PDE8B: variants seen among roughly 807,000 people sequenced by gnomAD.
The protein encoded by PDE8B is phosphodiesterase 8B.
In PDE8B, 26 loss-of-function variants were observed where a neutral mutation model predicts 101.3. That is an observed-to-expected ratio of 0.26 (90% CI 0.19 to 0.36). The LOEUF (loss-of-function observed/expected upper bound fraction) is 0.36. Among genes scored for constraint, PDE8B ranks in the 10% least tolerant of loss-of-function variants. The probability of loss-of-function intolerance (pLI) is 1.00; values close to 1 mark genes in which losing one functional copy is unlikely to be tolerated. For missense variants in PDE8B, 810 were observed against 1,163.1 expected (o/e 0.70, Z 4.42); for synonymous variants, 424 against 429.3 (o/e 0.99, Z 0.15).
the PDE8B span, among the ~76,000 whole-genome samples, chr5:77,110,431 T>A: frequency 3.3e-5 from 5 of 152,212 alleles, no homozygotes; most frequent in Admixed American, 1.3e-4. Context: ...AACTATGGGT[T>A]TCTAATGAGA....
rs1748059704 is a variant in PDE8B, at chr5:77,210,679, TGTGTATGCGC to T, written c.-245_-236del. 1 of 978,642 alleles carries T rather than the reference TGTGTATGCGC, an allele frequency of 1.0e-6. No homozygotes were observed. The highest frequency in any genetic ancestry group is 1.8e-5 in the African/African-American group (1 of 55,990). The allele number at this position is 978,642 out of a possible 1,614,324, so 60.6% of individuals were successfully genotyped here. On this transcript the variant is annotated 5_prime_UTR_variant, in exon 1 of 22. Coordinates refer to ENST00000264917, the MANE Select transcript of PDE8B (RefSeq NM_003719.5). The surrounding 1 kb of genome is among the most constrained non-coding windows in gnomAD (Gnocchi z 4.9). ...GCGGCCGCTGGTGCGCGCGGGGCGC[TGTGTATGCGC>T]GCTCCCCCGCTCGGGGAGGAAGATG...
intron 1 of PDE8B, among the ~76,000 whole-genome samples, chr5:77,294,930 C>A (rs1405911833): frequency 6.7e-6 from 1 of 150,066 alleles, no homozygotes; most frequent in African/African-American, 2.4e-5. Context: ...ACATATATAA[C>A]TCCTCTATAT....
chr5:77,339,146 C>G (rs182289464), intron 6 of PDE8B, among the ~76,000 whole-genome samples: 4 of 152,266 alleles, frequency 2.6e-5, no homozygotes, highest in Admixed American at 6.5e-5. Flanking sequence ...TTTTTAAGGT[C>G]TTATCAGATT....
the PDE8B span, among the ~76,000 whole-genome samples, chr5:77,124,759 A>C: frequency 6.6e-6 from 1 of 152,324 alleles, no homozygotes; most frequent in African/African-American, 2.4e-5. Context: ...CAGATTAGAC[A>C]CTGCAGAAGA....
chr5:77,410,032 TG>T (rs1269149612), intron 14 of PDE8B, among the ~76,000 whole-genome samples: 1 of 152,268 alleles, frequency 6.6e-6, no homozygotes, highest in Admixed American at 6.5e-5. Flanking sequence ...GGTCTGGTTC[TG>T]GGAGCAAGCC....
At position 77,421,970 on chromosome 5, in the gene PDE8B, T is replaced by C. The variant is rs749953189; in HGVS notation, c.2400T>C (p.Ser800=). The change falls in exon 20 of 22, where the codon TCT becomes TCC. Residue 800 remains serine, a synonymous_variant. Transcript: ENST00000264917. The part of the protein sequence containing the change: ...DLCIEWAGRI[S]EEYFAQTDEE... The stretch of plus-strand genomic sequence containing the variant: ...GCATTGAATGGGCTGGGAGGATCTC[T>C]GAGGAGTATTTTGCACAGGTGCGCC... 4 of 1,614,162 alleles carry C rather than the reference T, an allele frequency of 2.5e-6. No individual in the cohort carries two copies. Among genetic ancestry groups the C allele is most frequent in the Admixed American group, 3.3e-5 (2 of 60,028 alleles).
chr5:77,170,167 T>A, the PDE8B span, among the ~76,000 whole-genome samples: 2 of 152,214 alleles, frequency 1.3e-5, no homozygotes, highest in African/African-American at 4.8e-5. Context: ...CATACCCAAC[T>A]GATAAATGTC....
chr5:77,092,280 G>A, the PDE8B span, among the ~76,000 whole-genome samples: 47 of 151,528 alleles, frequency 3.1e-4, no homozygotes, highest in Non-Finnish European at 5.0e-4. Flanking sequence ...TTAAATTTTC[G>A]TGTAATCAGA....
intron 1 of PDE8B, chr5:77,290,445 T>G (rs1767040060): frequency 4.1e-6 from 6 of 1,453,198 alleles, no homozygotes; most frequent in Admixed American, 1.7e-5. Flanking sequence ...TGTGGCAGAC[T>G]ATGAAGAAAC....
At chr5:77,112,920 G>A in the PDE8B span, 1 of 152,110 alleles carries the variant, frequency 6.6e-6, no homozygotes, top group African/African-American at 2.4e-5. Flanking sequence ...ATTCACGATT[G>A]CTTCAAAAGA....
chr5:77,356,763 G>A (rs1330932394), intron 10 of PDE8B, among the ~76,000 whole-genome samples: 1 of 152,076 alleles, frequency 6.6e-6, no homozygotes, highest in Non-Finnish European at 1.5e-5. Context: ...TTTTAATGTG[G>A]CTACTAGAAG....
At chr5:77,169,956 C>G in the PDE8B span, among the ~76,000 whole-genome samples, 2 of 152,176 alleles carry the variant, frequency 1.3e-5, no homozygotes, top group Non-Finnish European at 2.9e-5. Context: ...GGCTCTATCT[C>G]AAGTTCCCTA....
At chr5:77,358,342 C>G (rs1020434850) in intron 10 of PDE8B, 12 of 528,458 alleles carry the variant, frequency 2.3e-5, no homozygotes, top group Non-Finnish European at 2.9e-5. Flanking sequence ...AGCTTCTCTT[C>G]CCCCCAGGAA....
intron 6 of PDE8B, among the ~76,000 whole-genome samples, chr5:77,344,277 ACAT>A (rs1329112673): frequency 1.2e-4 from 19 of 152,246 alleles, no homozygotes; most frequent in Admixed American, 3.3e-4. Context: ...GTTTACACCA[ACAT>A]CATCACGGAC....
At chr5:77,337,123 A>G (rs991663358) in intron 5 of PDE8B, 104 bp from the exon 6 acceptor site, 1 of 711,564 alleles carries the variant, frequency 1.4e-6, no homozygotes, top group Middle Eastern at 3.7e-4. Flanking sequence ...ATTGTCTTAT[A>G]TAACGGAGTT....
intron 1 of PDE8B, among the ~76,000 whole-genome samples, chr5:77,273,573 G>A (rs1415297151): frequency 6.6e-6 from 1 of 152,154 alleles, no homozygotes; most frequent in East Asian, 1.9e-4. Context: ...AGGCAGGGTA[G>A]TACACTTACT....
chr5:77,128,607 C>T, the PDE8B span, among the ~76,000 whole-genome samples: 1 of 152,156 alleles, frequency 6.6e-6, no homozygotes, highest in Non-Finnish European at 1.5e-5. Flanking sequence ...GAACTGCTTG[C>T]CTTCACCAGT....
intron 9 of PDE8B, among the ~76,000 whole-genome samples, chr5:77,351,405 T>C (rs1781099532): frequency 6.6e-6 from 1 of 152,222 alleles, no homozygotes; most frequent in Non-Finnish European, 1.5e-5. Flanking sequence ...ATTCCCAGTG[T>C]GCTCTAAAGG....
intron 7 of PDE8B, among the ~76,000 whole-genome samples, chr5:77,348,591 A>T (rs147938424): frequency 9.3e-4 from 141 of 152,342 alleles, no homozygotes; most frequent in African/African-American, 2.8e-3. Flanking sequence ...ATTGATCAAT[A>T]GATAGTGGCA....
Sources: allele counts gnomAD v4.1 joint callset (sites outside exome capture counted in the v4.1 genomes callset), GRCh38; gene constraint gnomAD v4.1.1; non-coding constraint Gnocchi (gnomAD v3.1); transcripts MANE v1.5; gene names NCBI Gene and HGNC (gene_info 2026-07-23, HGNC 2026-07-21).